The following COL19A1 variants were observed in gnomAD, a reference collection of about 807,000 sequenced individuals.
COL19A1 encodes the protein collagen type XIX alpha 1 chain, also known as collagen alpha-1(XIX) chain.
Under a neutral mutation model 190.2 loss-of-function variants are expected in COL19A1, and 159 were observed. The ratio of observed to expected loss-of-function variants is 0.84; its 90% CI spans 0.73 to 0.95. The LOEUF (loss-of-function observed/expected upper bound fraction) is 0.95, where lower values mean the gene tolerates loss of function less well. Ranked by LOEUF, COL19A1 falls within the 40% of genes least tolerant of loss-of-function variation. The pLI, the probability that COL19A1 is intolerant of heterozygous loss-of-function variation, is 0.00. For missense variants in COL19A1, 1,418 were observed against 1,431.9 expected, an observed-to-expected ratio of 0.99 and a Z score of 0.16; for synonymous variants, 509 against 458.9, an observed-to-expected ratio of 1.11 and a Z score of -1.39.
At chr6:69,957,254 A>G (rs1433781561) in intron 9 of COL19A1, among the ~76,000 whole-genome samples, 1 of 152,134 alleles carries the variant, frequency 6.6e-6, no homozygotes, top group Admixed American at 6.5e-5. Context: ...GATTACAAGG[A>G]CGTAAAATTA....
chr6:70,165,679 T>G (rs1383339654), intron 36 of COL19A1, among the ~76,000 whole-genome samples: 1 of 151,628 alleles, frequency 6.6e-6, no homozygotes, highest in Non-Finnish European at 1.5e-5. Flanking sequence ...GTTGTCTGGC[T>G]CCATCTAAAA....
At chr6:70,172,391 G>A (rs926737705) in intron 41 of COL19A1, among the ~76,000 whole-genome samples, 1 of 152,080 alleles carries the variant, frequency 6.6e-6, no homozygotes, top group Non-Finnish European at 1.5e-5. Flanking sequence ...GGTCTAAAGA[G>A]TCTGAGACAT....
intron 24 of COL19A1, 29 bp downstream of exon 24, chr6:70,144,292 T>G: frequency 6.4e-7 from 1 of 1,566,776 alleles, no homozygotes; most frequent in Non-Finnish European, 8.7e-7. Context: ...TCATTTTATA[T>G]GTTAAGTAGA....
chr6:70,164,405 C>T (rs952445283), intron 36 of COL19A1, among the ~76,000 whole-genome samples: 14 of 152,246 alleles, frequency 9.2e-5, no homozygotes, highest in Middle Eastern at 3.4e-3. Context: ...TCCACCCACT[C>T]GTCAGGACAC....
At chr6:69,968,343 T>C (rs993712761) in intron 11 of COL19A1, among the ~76,000 whole-genome samples, 1 of 152,224 alleles carries the variant, frequency 6.6e-6, no homozygotes, top group African/African-American at 2.4e-5. Flanking sequence ...ATTAAAAATA[T>C]ATCAGCAATT....
Position 69,912,322 on chromosome 6 carries a change from T to C in COL19A1, c.266+11984T>C, listed in dbSNP as rs1770990197. ...TTCTCAGGCCTCGTTAATATGTGGA[T>C]TTAAATGATATTATATTAACATCAA... On this transcript the variant is annotated intron_variant, in intron 4 of 50. Transcript: ENST00000620364. Among the ~76,000 whole-genome samples the C allele has an allele frequency of 1.3e-5, 2 of 152,214 alleles. 1 individual carries two copies. Among genetic ancestry groups the C allele is most frequent in the South Asian group, 4.1e-4 (2 of 4,830 alleles).
intron 4 of COL19A1, among the ~76,000 whole-genome samples, chr6:69,905,662 A>G (rs970520916): frequency 5.3e-5 from 8 of 152,238 alleles, no homozygotes; most frequent in African/African-American, 1.7e-4. Flanking sequence ...CCTGTGCTCT[A>G]AACTCACTGA....
intron 11 of COL19A1, among the ~76,000 whole-genome samples, chr6:69,975,349 C>A (rs1366847724): frequency 6.6e-6 from 1 of 152,120 alleles, no homozygotes; most frequent in African/African-American, 2.4e-5. Context: ...TTCATATAGG[C>A]AGTTTAATAT....
intron 27 of COL19A1, among the ~76,000 whole-genome samples, chr6:70,149,277 G>T (rs1786877135): frequency 6.6e-6 from 1 of 152,030 alleles, no homozygotes; most frequent in Admixed American, 6.6e-5. Context: ...ATTGATTAGT[G>T]TTTTACCTCC....
chr6:69,961,025 C>A (rs372800094), intron 10 of COL19A1, among the ~76,000 whole-genome samples: 1 of 151,986 alleles, frequency 6.6e-6, no homozygotes, highest in African/African-American at 2.4e-5. Flanking sequence ...CTTGGAGGGA[C>A]GGGGAGCCAC....
At chr6:70,125,870 C>T (rs1449204136) in intron 17 of COL19A1, among the ~76,000 whole-genome samples, 2 of 152,166 alleles carry the variant, frequency 1.3e-5, no homozygotes, top group African/African-American at 2.4e-5. Context: ...TTCATTGTTT[C>T]CAGCTCTGGG....
intron 4 of COL19A1, among the ~76,000 whole-genome samples, chr6:69,921,095 T>G (rs556190215): frequency 6.1e-4 from 73 of 119,148 alleles, no homozygotes; most frequent in African/African-American, 2.3e-3. Flanking sequence ...TTCATAGACA[T>G]ATCATATATT....
intron 25 of COL19A1, 133 bp from the exon 26 acceptor site, chr6:70,146,526 G>T (rs557251350): frequency 1.3e-5 from 7 of 521,972 alleles, no homozygotes; most frequent in Middle Eastern, 5.4e-4. Flanking sequence ...TTTACTCCCC[G>T]TTCCTTATTC....
At chr6:70,045,187 C>T (rs1166208250) in intron 14 of COL19A1, among the ~76,000 whole-genome samples, 1 of 151,804 alleles carries the variant, frequency 6.6e-6, no homozygotes, top group Non-Finnish European at 1.5e-5. Flanking sequence ...GTGGTGCATG[C>T]CTGTAACCCT....
At chr6:70,144,312 G>A (rs1002478424) in intron 24 of COL19A1, 49 bp downstream of exon 24, 3 of 1,488,496 alleles carry the variant, frequency 2.0e-6, no homozygotes, top group African/African-American at 1.7e-5. Flanking sequence ...ATAGGAGGAA[G>A]AGACAGAGGA....
chr6:70,160,597 T>C (rs1787737013), intron 34 of COL19A1, among the ~76,000 whole-genome samples: 1 of 152,158 alleles, frequency 6.6e-6, no homozygotes, highest in Non-Finnish European at 1.5e-5. Flanking sequence ...TGTCAGAATA[T>C]CATGTTTTGC....
chr6:69,934,917 A>T (rs1773004307), intron 7 of COL19A1, among the ~76,000 whole-genome samples: 1 of 151,940 alleles, frequency 6.6e-6, no homozygotes, highest in Admixed American at 6.6e-5. Context: ...TTTGTTGCAA[A>T]ATGTTTTGAA....
At chr6:70,123,985 A>T (rs1018065542) in intron 17 of COL19A1, among the ~76,000 whole-genome samples, 1 of 123,254 alleles carries the variant, frequency 8.1e-6, no homozygotes, top group South Asian at 2.7e-4. Context: ...AAAAAAAACT[A>T]AAAAAAAAAG....
intron 11 of COL19A1, among the ~76,000 whole-genome samples, chr6:69,995,356 T>C (rs920220337): frequency 6.6e-6 from 1 of 152,180 alleles, no homozygotes; most frequent in Non-Finnish European, 1.5e-5. Flanking sequence ...TATCTAATAG[T>C]ATATTTTCCA....
Sources: gnomAD v4.1 joint callset for allele counts (sites outside exome capture counted in the v4.1 genomes callset) on GRCh38, gnomAD v4.1.1 for gene constraint, MANE v1.5 for transcripts, NCBI Gene and HGNC (gene_info 2026-07-23, HGNC 2026-07-21) for gene names.